Variants in XKR4 observed in about 807,000 individuals in gnomAD.
XKR4 encodes the protein XK-related protein 4.
In XKR4, 12 loss-of-function variants were observed where a neutral mutation model predicts 53.9. The ratio of observed to expected loss-of-function variants is 0.22; its 90% CI spans 0.14 to 0.36. The LOEUF (loss-of-function observed/expected upper bound fraction) is 0.36, where lower values mean the gene tolerates loss of function less well. Ranked by LOEUF, XKR4 falls within the 10% of genes least tolerant of loss-of-function variation. XKR4 has a pLI of 1.00. For missense variants in XKR4, 799 were observed against 859.5 expected, an observed-to-expected ratio of 0.93 and a Z score of 0.88; for synonymous variants, 354 against 362.4, an observed-to-expected ratio of 0.98 and a Z score of 0.26.
chr8:55,104,678 A>C (rs777076053), intron 1 of XKR4, among the ~76,000 whole-genome samples: 44 of 151,614 alleles, frequency 2.9e-4, no homozygotes, highest in Non-Finnish European at 5.9e-4. Context: ...ATTGTGAAAC[A>C]TTTTTTTTCA....
At chr8:55,323,824 T>C (rs534958886) in intron 1 of XKR4, among the ~76,000 whole-genome samples, 4 of 152,354 alleles carry the variant, frequency 2.6e-5, no homozygotes, top group African/African-American at 9.6e-5. Flanking sequence ...CATTGGATCA[T>C]TTCTATTGAT....
intron 1 of XKR4, among the ~76,000 whole-genome samples, chr8:55,269,922 T>A (rs539131942): frequency 1.4e-4 from 21 of 152,282 alleles, no homozygotes; most frequent in African/African-American, 5.1e-4. Context: ...TCAGAATAGA[T>A]CAGGGAAGAG....
At chr8:55,456,437 GA>G (rs1392908038) in intron 2 of XKR4, among the ~76,000 whole-genome samples, 1 of 150,030 alleles carries the variant, frequency 6.7e-6, no homozygotes, top group African/African-American at 2.5e-5. Flanking sequence ...GTCTTGAAAA[GA>G]AAAAAAAGAA....
intron 1 of XKR4, among the ~76,000 whole-genome samples, chr8:55,217,427 T>C (rs932460736): frequency 2.0e-5 from 3 of 152,178 alleles, no homozygotes; most frequent in African/African-American, 7.2e-5. Flanking sequence ...TACTGAGCAC[T>C]GGAGGAGATT....
chr8:55,142,236 T>C, intron 1 of XKR4: 1 of 455,342 alleles, frequency 2.2e-6, no homozygotes, highest in Non-Finnish European at 4.4e-6. Context: ...CATTGAAACT[T>C]GCTCTTAGAC....
chr8:55,222,870 AC>A (rs1817900419), intron 1 of XKR4, among the ~76,000 whole-genome samples: 1 of 152,166 alleles, frequency 6.6e-6, no homozygotes, highest in Non-Finnish European at 1.5e-5. Flanking sequence ...CATTCACACC[AC>A]AGAAAGGGCA....
chr8:55,157,377 C>T (rs775008166), intron 1 of XKR4, among the ~76,000 whole-genome samples: 2 of 152,046 alleles, frequency 1.3e-5, no homozygotes, highest in East Asian at 1.9e-4. Flanking sequence ...CACTAGATAA[C>T]ATGATAAGAG....
chr8:55,136,189 G>A (rs1023521084), intron 1 of XKR4, among the ~76,000 whole-genome samples: 2 of 152,172 alleles, frequency 1.3e-5, no homozygotes, highest in Non-Finnish European at 2.9e-5. Context: ...ACTGTGCCTG[G>A]CCCATGCTCA....
At chr8:55,186,171 G>T (rs1054516579) in intron 1 of XKR4, among the ~76,000 whole-genome samples, 2 of 152,080 alleles carry the variant, frequency 1.3e-5, no homozygotes, top group Admixed American at 1.3e-4. Context: ...AGATCAACAA[G>T]TTTGACCCTC....
chr8:55,129,828 G>A lies in XKR4; in HGVS notation c.806+26534G>A, dbSNP rs964980512. On this transcript the variant is annotated intron_variant, in intron 1 of 2. Coordinates refer to ENST00000327381, the MANE Select transcript of XKR4 (RefSeq NM_052898.2). Reference sequence around the variant, plus strand: ...TGACATGGATGATACTGGAGACTGAGTTTTATTCTACCTGTAGGGTTTCTG... The same window carrying A: ...TGACATGGATGATACTGGAGACTGAATTTTATTCTACCTGTAGGGTTTCTG... Among the ~76,000 whole-genome samples, 21 of 152,182 alleles carry A rather than the reference G, an allele frequency of 1.4e-4. 1 individual carries two copies. The highest frequency in any genetic ancestry group is 1.4e-3 in the Admixed American group (21 of 15,276).
chr8:55,200,163 G>A (rs186786186), intron 1 of XKR4, among the ~76,000 whole-genome samples: 12 of 152,274 alleles, frequency 7.9e-5, no homozygotes, highest in Non-Finnish European at 2.9e-5. Context: ...TGCCTCCTGG[G>A]TTCAAGTGAA....
chr8:55,412,234 C>T (rs530059595), intron 2 of XKR4, among the ~76,000 whole-genome samples: 6 of 152,190 alleles, frequency 3.9e-5, no homozygotes, highest in Non-Finnish European at 7.4e-5. Context: ...TACCAAGCCC[C>T]GGTGCTCATC....
intron 1 of XKR4, among the ~76,000 whole-genome samples, chr8:55,259,984 C>T (rs571691742): frequency 1.8e-4 from 26 of 146,856 alleles, no homozygotes; most frequent in Non-Finnish European, 3.3e-4. Flanking sequence ...TCTGTGTTCA[C>T]CTTAACACTT....
At position 55,402,182 on chromosome 8, in the gene XKR4, G is replaced by A. The variant is rs180704350; in HGVS notation, c.1006+44305G>A. 4.8e-4 allele frequency among the ~76,000 whole-genome samples: 73 copies of A among 152,270 alleles called. 1 individual carries two copies. The highest frequency in any genetic ancestry group is 1.8e-4 in the Non-Finnish European group (12 of 68,020). On this transcript the variant is annotated intron_variant, in intron 2 of 2. Transcript: ENST00000327381. ...ACAGTTTTTACTTCAAAGACCCTTG[G>A]GAAAGGTATGAGGGACCTCAGAGGT...
intron 1 of XKR4, among the ~76,000 whole-genome samples, chr8:55,141,704 C>A (rs1226274208): frequency 2.3e-5 from 3 of 131,266 alleles, no homozygotes; most frequent in African/African-American, 8.2e-5. Context: ...TCTCTGTGGA[C>A]TGGCGTCTTC....
At chr8:55,260,033 C>G (rs1818497005) in intron 1 of XKR4, among the ~76,000 whole-genome samples, 1 of 151,916 alleles carries the variant, frequency 6.6e-6, no homozygotes, top group African/African-American at 2.4e-5. Flanking sequence ...TCCTCTATCT[C>G]ACTTGCTGTC....
chr8:55,421,516 C>T (rs1804931517), intron 2 of XKR4, among the ~76,000 whole-genome samples: 1 of 152,138 alleles, frequency 6.6e-6, no homozygotes, highest in African/African-American at 2.4e-5. Context: ...CCAGGCATCG[C>T]ACCTTGGCAT....
intron 2 of XKR4, among the ~76,000 whole-genome samples, chr8:55,402,784 G>T (rs1804620949): frequency 6.6e-6 from 1 of 152,178 alleles, no homozygotes; most frequent in African/African-American, 2.4e-5. Flanking sequence ...AGCAAGAGAA[G>T]CAGACAAGGG....
chr8:55,508,257 C>T (rs1247634100), intron 2 of XKR4, among the ~76,000 whole-genome samples: 1 of 152,108 alleles, frequency 6.6e-6, no homozygotes, highest in Non-Finnish European at 1.5e-5. Context: ...AGGGCTATTT[C>T]AGTCCCCAGG....
Sources: allele counts gnomAD v4.1 joint callset (sites outside exome capture counted in the v4.1 genomes callset), GRCh38; gene constraint gnomAD v4.1.1; transcripts MANE v1.5; gene names NCBI Gene and HGNC (gene_info 2026-07-23, HGNC 2026-07-21).